NELL1: variants seen among roughly 807,000 people sequenced by gnomAD.
NELL1 encodes neural EGFL like 1.
A neutral mutation model predicts 107.4 loss-of-function variants in NELL1; 76 were observed. The observed-to-expected ratio is 0.71, with a 90% confidence interval of 0.59 to 0.86. The LOEUF (loss-of-function observed/expected upper bound fraction) is 0.86. Among genes scored for constraint, NELL1 ranks in the 40% least tolerant of loss-of-function variants. NELL1 has a pLI of 0.00. For missense variants in NELL1, 1,024 were observed against 1,005.5 expected, an observed-to-expected ratio of 1.02 and a Z score of -0.25; for synonymous variants, 353 against 341.2, an observed-to-expected ratio of 1.03 and a Z score of -0.38.
At chr11:20,934,102 G>T (rs1352241523) in intron 9 of NELL1, among the ~76,000 whole-genome samples, 1 of 152,060 alleles carries the variant, frequency 6.6e-6, no homozygotes, top group Non-Finnish European at 1.5e-5. Context: ...AATTTCCTCA[G>T]ACATAAAAAA....
At chr11:21,409,373 T>C (rs561377202) in intron 15 of NELL1, among the ~76,000 whole-genome samples, 3 of 151,946 alleles carry the variant, frequency 2.0e-5, no homozygotes, top group Middle Eastern at 3.2e-3. Flanking sequence ...TAGGTGGGAA[T>C]TGAACAATGA....
At chr11:21,319,889 A>T (rs1382713566) in intron 14 of NELL1, among the ~76,000 whole-genome samples, 2 of 151,952 alleles carry the variant, frequency 1.3e-5, no homozygotes, top group African/African-American at 4.8e-5. Flanking sequence ...CCTGCTTTAG[A>T]CTCTAAACTC....
intron 13 of NELL1, among the ~76,000 whole-genome samples, chr11:21,136,105 G>A (rs138452440): frequency 6.6e-5 from 10 of 152,348 alleles, no homozygotes; most frequent in African/African-American, 1.7e-4. Context: ...ACATAGGGCC[G>A]TAGGGGAAGA....
At chr11:20,783,951 T>G in intron 3 of NELL1, 121 bp downstream of exon 3, 1 of 878,146 alleles carries the variant, frequency 1.1e-6, no homozygotes, top group Non-Finnish European at 1.6e-6. Flanking sequence ...CTCATTTCTG[T>G]TGAACACATT....
At chr11:21,291,552 C>T (rs878941329) in intron 14 of NELL1, among the ~76,000 whole-genome samples, 1 of 152,154 alleles carries the variant, frequency 6.6e-6, no homozygotes. Context: ...AAAATAGGAA[C>T]TCCTCCCTAA....
intron 16 of NELL1, among the ~76,000 whole-genome samples, chr11:21,559,224 C>A (rs892285343): frequency 2.0e-5 from 3 of 152,084 alleles, no homozygotes; most frequent in African/African-American, 7.2e-5. Flanking sequence ...GACTAGTAGA[C>A]ACTTATTCAA....
intron 15 of NELL1, among the ~76,000 whole-genome samples, chr11:21,384,284 C>T (rs966679631): frequency 2.6e-5 from 4 of 151,718 alleles, no homozygotes; most frequent in East Asian, 1.9e-4. Context: ...ATTTTCACTG[C>T]GTAAAAGTCA....
chr11:20,693,293 G>A (rs1158944194), intron 2 of NELL1, among the ~76,000 whole-genome samples: 1 of 151,936 alleles, frequency 6.6e-6, no homozygotes, highest in African/African-American at 2.4e-5. Context: ...TACATTTAAA[G>A]CTAATATTGT....
At chr11:21,253,061 G>T (rs1858679769) in intron 14 of NELL1, among the ~76,000 whole-genome samples, 2 of 151,936 alleles carry the variant, frequency 1.3e-5, no homozygotes, top group South Asian at 2.1e-4. Flanking sequence ...GTGGTTAAGG[G>T]TTATCAAGAA....
chr11:20,870,090 C>T (rs1229136728), intron 4 of NELL1, among the ~76,000 whole-genome samples: 3 of 152,152 alleles, frequency 2.0e-5, no homozygotes, highest in Non-Finnish European at 4.4e-5. Flanking sequence ...ATTTTCAAAG[C>T]AGTTACTGTT....
intron 2 of NELL1, among the ~76,000 whole-genome samples, chr11:20,753,758 A>G (rs1341688730): frequency 6.6e-6 from 1 of 152,144 alleles, no homozygotes; most frequent in Non-Finnish European, 1.5e-5. Flanking sequence ...CTTTCTCTCC[A>G]TCTCTTTGCT....
At chr11:21,132,809 G>C (rs1855654552) in intron 13 of NELL1, among the ~76,000 whole-genome samples, 1 of 152,110 alleles carries the variant, frequency 6.6e-6, no homozygotes. Flanking sequence ...GGGGTTCAGT[G>C]CATGTTTAAA....
intron 4 of NELL1, among the ~76,000 whole-genome samples, chr11:20,854,486 G>A (rs1020376566): frequency 2.0e-4 from 30 of 152,262 alleles, no homozygotes; most frequent in African/African-American, 7.0e-4. Context: ...GGGGTTTGCA[G>A]TCATCTGAAT....
chr11:21,491,479 C>G (rs61888061), intron 15 of NELL1, among the ~76,000 whole-genome samples: 2,596 of 152,128 alleles, frequency 0.017, 42 homozygotes, highest in Non-Finnish European at 0.029. Context: ...GCTTGTTTTT[C>G]TCAGGTTTGT....
chr11:21,249,635 G>A (rs562643708), intron 14 of NELL1, among the ~76,000 whole-genome samples: 3 of 152,052 alleles, frequency 2.0e-5, no homozygotes, highest in South Asian at 2.1e-4. Flanking sequence ...CTTTATCTAC[G>A]AAATGGTGCA....
At chr11:20,736,584 A>G (rs1035074798) in intron 2 of NELL1, among the ~76,000 whole-genome samples, 2 of 152,114 alleles carry the variant, frequency 1.3e-5, no homozygotes, top group Non-Finnish European at 2.9e-5. Context: ...TTTATTGTCC[A>G]TTGTCTAAAA....
chr11:20,746,743 A>C (rs775930338), intron 2 of NELL1, among the ~76,000 whole-genome samples: 26 of 152,120 alleles, frequency 1.7e-4, no homozygotes, highest in Non-Finnish European at 3.5e-4. Context: ...CAGTACACTC[A>C]CCAGTTTTTA....
chr11:20,826,008 A>G (rs1857875050), intron 3 of NELL1, among the ~76,000 whole-genome samples: 1 of 151,040 alleles, frequency 6.6e-6, no homozygotes, highest in Non-Finnish European at 1.5e-5. Flanking sequence ...ACAAGATCTG[A>G]TAGTTTTATA....
chr11:21,295,970 C>T (rs901210860), intron 14 of NELL1, among the ~76,000 whole-genome samples: 9 of 151,734 alleles, frequency 5.9e-5, no homozygotes, highest in Admixed American at 1.3e-4. Flanking sequence ...TGAAGACTCT[C>T]ATATGGGCTC....
Sources: gnomAD v4.1 joint callset for allele counts (sites outside exome capture counted in the v4.1 genomes callset) on GRCh38, gnomAD v4.1.1 for gene constraint, MANE v1.5 for transcripts, NCBI Gene and HGNC (gene_info 2026-07-23, HGNC 2026-07-21) for gene names.